Variants in ZNF536 observed in about 807,000 individuals in gnomAD.
ZNF536 encodes the protein zinc finger protein 536.
A neutral mutation model predicts 84.5 loss-of-function variants in ZNF536; 13 were observed. The ratio of observed to expected loss-of-function variants is 0.15; its 90% confidence interval spans 0.10 to 0.24. The LOEUF (loss-of-function observed/expected upper bound fraction) is 0.24. Among genes scored for constraint, ZNF536 ranks in the 10% least tolerant of loss-of-function variants. The pLI is 1.00. For synonymous variants in ZNF536, 811 were observed against 742.5 expected (o/e 1.09, Z -1.50); for missense variants, 1,536 against 1,747.5 (o/e 0.88, Z 2.16).
At chr19:30,320,747 G>T (rs1439702359) in intron 2 of ZNF536, among the ~76,000 whole-genome samples, 4 of 152,152 alleles carry the variant, frequency 2.6e-5, no homozygotes, top group South Asian at 4.1e-4. Context: ...ACGATTTCCA[G>T]ATTTATTTTC....
chr19:30,227,364 G>T (rs1032580300), upstream of ZNF536, among the ~76,000 whole-genome samples: 3 of 152,200 alleles, frequency 2.0e-5, no homozygotes, highest in Non-Finnish European at 4.4e-5. Flanking sequence ...TGGAATGTTG[G>T]GGGGCGGGGA....
intron 1 of ZNF536, among the ~76,000 whole-genome samples, chr19:30,593,900 CCTTGTAGACA>C (rs1254085917): frequency 2.0e-5 from 3 of 152,120 alleles, no homozygotes; most frequent in Non-Finnish European, 4.4e-5. Flanking sequence ...CAAAGTAGAG[CCTTGTAGACA>C]CTGAGAAGAA....
chr19:30,609,572 T>A (rs1437036835), intron 1 of ZNF536, among the ~76,000 whole-genome samples: 2 of 152,244 alleles, frequency 1.3e-5, no homozygotes, highest in Non-Finnish European at 2.9e-5. Context: ...AGTGTTTTCT[T>A]AGCTGTAAAG....
intron 1 of ZNF536, among the ~76,000 whole-genome samples, chr19:30,384,076 CTCT>C (rs2049193256): frequency 6.9e-6 from 1 of 144,094 alleles, no homozygotes; most frequent in Non-Finnish European, 1.5e-5. Flanking sequence ...CCTTTATCCT[CTCT>C]TCTTCTGCCC....
At chr19:30,602,087 G>A (rs772303474) in intron 1 of ZNF536, among the ~76,000 whole-genome samples, 31 of 152,212 alleles carry the variant, frequency 2.0e-4, no homozygotes, top group African/African-American at 6.8e-4. Flanking sequence ...ACCCATTAGC[G>A]TTATCTGCAG....
intron 1 of ZNF536, among the ~76,000 whole-genome samples, chr19:30,232,449 G>C (rs2023140628): frequency 6.6e-6 from 1 of 150,986 alleles, no homozygotes; most frequent in South Asian, 2.1e-4. Flanking sequence ...CCCCCCTCTA[G>C]TGTCCCCCAG....
intron 1 of ZNF536, among the ~76,000 whole-genome samples, chr19:30,266,956 G>A (rs987754293): frequency 2.0e-5 from 3 of 152,308 alleles, no homozygotes; most frequent in Admixed American, 6.5e-5. Context: ...GTGCAAATAT[G>A]CAGAAAGCTA....
intron 1 of ZNF536, among the ~76,000 whole-genome samples, chr19:30,613,551 A>G (rs2048176063): frequency 6.6e-6 from 1 of 152,176 alleles, no homozygotes. Flanking sequence ...TGTTGCTCAA[A>G]TTGTCTCAGA....
chr19:30,355,549 C>T (rs2048066767), intron 3 of ZNF536, among the ~76,000 whole-genome samples: 2 of 151,974 alleles, frequency 1.3e-5, no homozygotes, highest in South Asian at 2.1e-4. Flanking sequence ...CACCGTGCCT[C>T]GCTAATTTTT....
chr19:30,471,646 G>A (rs1208789295), intron 2 of ZNF536, among the ~76,000 whole-genome samples: 2 of 152,226 alleles, frequency 1.3e-5, no homozygotes, highest in Non-Finnish European at 2.9e-5. Flanking sequence ...GGTACCCATA[G>A]CCATGTGGGC....
In ZNF536 at chr19:30,667,631, T is replaced by A. The variant is rs73031177; in HGVS notation, c.170-43126T>A. On this transcript the variant is annotated intron_variant, in intron 1 of 1. Transcript: ENST00000592773. ...CAGCTAGAGTTTTTTCTAGCTTTTT[T>A]TTTTTTTTTAATTAATGAGAAGTGA... is the stretch of plus-strand genomic sequence containing the variant. Among the ~76,000 whole-genome samples the A allele has an allele frequency of 6.9e-4, 103 of 149,654 alleles. 1 individual carries two copies. The highest frequency in any genetic ancestry group is 1.4e-3 in the Non-Finnish European group (95 of 67,408).
chr19:30,601,535 CA>C (rs1469783515), intron 1 of ZNF536, among the ~76,000 whole-genome samples: 1 of 152,158 alleles, frequency 6.6e-6, no homozygotes, highest in African/African-American at 2.4e-5. Flanking sequence ...TTGCATGTAA[CA>C]CTTGAATATG....
chr19:30,579,140 T>G (rs1157543718), intron 1 of ZNF536, among the ~76,000 whole-genome samples: 1 of 152,176 alleles, frequency 6.6e-6, no homozygotes, highest in African/African-American at 2.4e-5. Context: ...AGCTAGAAAA[T>G]CACTATCTGT....
chr19:30,225,691 G>GC (rs1050429611), upstream of ZNF536, among the ~76,000 whole-genome samples: 4 of 148,686 alleles, frequency 2.7e-5, no homozygotes, highest in African/African-American at 9.9e-5. Flanking sequence ...CAAAGGTGGG[G>GC]GGGGGATCGC....
intron 1 of ZNF536, among the ~76,000 whole-genome samples, chr19:30,613,490 A>T (rs934832545): frequency 6.6e-6 from 1 of 151,560 alleles, no homozygotes; most frequent in Non-Finnish European, 1.5e-5. Context: ...GTGTAGATGC[A>T]CTGATATTTA....
At chr19:30,497,410 T>C (rs974930972) in intron 2 of ZNF536, among the ~76,000 whole-genome samples, 1 of 152,014 alleles carries the variant, frequency 6.6e-6, no homozygotes, top group African/African-American at 2.4e-5. Flanking sequence ...GGGTAGCTTC[T>C]GACACATCTC....
chr19:30,404,386 G>GGTA (rs1200420306), intron 1 of ZNF536, among the ~76,000 whole-genome samples: 1 of 152,204 alleles, frequency 6.6e-6, no homozygotes, highest in Non-Finnish European at 1.5e-5. Flanking sequence ...GGCCACTTGA[G>GGTA]GTAGTGATGG....
chr19:30,264,383 G>A (rs1405147980), intron 1 of ZNF536, among the ~76,000 whole-genome samples: 7 of 89,050 alleles, frequency 7.9e-5, no homozygotes, highest in Admixed American at 6.0e-4. Context: ...CCCGCCCCCC[G>A]CAGTTGTGCC....
intron 1 of ZNF536, among the ~76,000 whole-genome samples, chr19:30,374,239 A>G (rs191998108): frequency 1.4e-4 from 22 of 152,170 alleles, no homozygotes; most frequent in Admixed American, 3.9e-4. Context: ...AGTGCTGGGT[A>G]TAAATTGCAC....
Sources: allele counts gnomAD v4.1 joint callset (sites outside exome capture counted in the v4.1 genomes callset), GRCh38; gene constraint gnomAD v4.1.1; transcripts MANE v1.5; gene names NCBI Gene and HGNC (gene_info 2026-07-23, HGNC 2026-07-21).